Variants in ADD3 observed in about 807,000 individuals in gnomAD.
The protein encoded by ADD3 is adducin 3.
Under a neutral mutation model 80.2 loss-of-function variants are expected in ADD3, and 25 were observed. The observed-to-expected ratio is 0.31, with a 90% CI of 0.23 to 0.44. The LOEUF is 0.44. Ranked by LOEUF, ADD3 falls within the 20% of genes least tolerant of loss-of-function variation. The pLI, the probability that ADD3 is intolerant of heterozygous loss-of-function variation, is 1.00. For missense variants in ADD3, 829 were observed against 847.5 expected, an observed-to-expected ratio of 0.98 and a Z score of 0.27; for synonymous variants, 284 against 289.6, an observed-to-expected ratio of 0.98 and a Z score of 0.20.
chr10:110,116,461 C>T, intron 4 of ADD3, 51 bp downstream of exon 4: 3 of 1,578,202 alleles, frequency 1.9e-6, no homozygotes, highest in Non-Finnish European at 1.7e-6. Flanking sequence ...AGCTAGAAGG[C>T]AACTATACTC....
intron 1 of ADD3, among the ~76,000 whole-genome samples, chr10:110,026,351 G>A (rs1032252059): frequency 6.8e-6 from 1 of 147,510 alleles, no homozygotes; most frequent in African/African-American, 2.6e-5. Context: ...GCGTGATCTC[G>A]GCTCACTGCA....
At chr10:110,073,152 T>C (rs1412273111) in intron 1 of ADD3, among the ~76,000 whole-genome samples, 4 of 145,094 alleles carry the variant, frequency 2.8e-5, no homozygotes, top group Non-Finnish European at 6.0e-5. Flanking sequence ...TTTTTTTTTT[T>C]TTTTTTTCGA....
intron 1 of ADD3, among the ~76,000 whole-genome samples, chr10:110,087,920 TTCTGAGGGG>T (rs1847001057): frequency 6.6e-6 from 1 of 152,192 alleles, no homozygotes; most frequent in Non-Finnish European, 1.5e-5. Context: ...GATTGGTTCA[TTCTGAGGGG>T]TCTGAGGGAA....
At chr10:110,130,964 G>C (rs1852904821) in intron 13 of ADD3, among the ~76,000 whole-genome samples, 1 of 152,072 alleles carries the variant, frequency 6.6e-6, no homozygotes, top group Admixed American at 6.5e-5. Flanking sequence ...ACTAGCCAAA[G>C]TAGATGTAGA....
upstream of ADD3, among the ~76,000 whole-genome samples, chr10:110,004,803 G>A (rs1048243778): frequency 2.0e-5 from 3 of 151,826 alleles, no homozygotes; most frequent in African/African-American, 7.3e-5. Flanking sequence ...TTTACTTATA[G>A]AGAAAAAAAC....
intron 1 of ADD3, among the ~76,000 whole-genome samples, chr10:110,060,028 T>C (rs1589923593): frequency 6.6e-6 from 1 of 152,104 alleles, no homozygotes. Context: ...GGTCAAAGGG[T>C]TAATGCATGC....
chr10:110,042,922 CAT>C (rs1293993723), intron 1 of ADD3, among the ~76,000 whole-genome samples: 7 of 152,018 alleles, frequency 4.6e-5, no homozygotes, highest in African/African-American at 1.7e-4. Flanking sequence ...GAGGGGAAAA[CAT>C]AGAATGCATA....
intron 1 of ADD3, among the ~76,000 whole-genome samples, chr10:110,089,472 G>A (rs1847204329): frequency 6.6e-6 from 1 of 152,044 alleles, no homozygotes; most frequent in Admixed American, 6.5e-5. Flanking sequence ...GTTGGGATGT[G>A]GGGTGGGGAA....
chr10:110,015,738 T>C (rs1297181886), intron 1 of ADD3, among the ~76,000 whole-genome samples: 1 of 152,152 alleles, frequency 6.6e-6, no homozygotes, highest in Non-Finnish European at 1.5e-5. Context: ...CTGAAAGTAA[T>C]ACATTTTTAC....
chr10:110,092,303 C>T (rs1041014873), intron 1 of ADD3, among the ~76,000 whole-genome samples: 2 of 152,136 alleles, frequency 1.3e-5, no homozygotes, highest in Non-Finnish European at 2.9e-5. Context: ...ATAGCAAAGA[C>T]ATGGAATCAA....
chr10:110,051,733 T>A (rs1857536535), intron 1 of ADD3, among the ~76,000 whole-genome samples: 1 of 152,226 alleles, frequency 6.6e-6, no homozygotes, highest in African/African-American at 2.4e-5. Flanking sequence ...TAGTTCTTTC[T>A]AGGAAGGAGT....
intron 2 of ADD3, among the ~76,000 whole-genome samples, chr10:110,109,761 G>C (rs1849784795): frequency 6.6e-6 from 1 of 152,150 alleles, no homozygotes; most frequent in African/African-American, 2.4e-5. Flanking sequence ...AGGATATCTG[G>C]AACATTTTTT....
Position 110,134,975 on chromosome 10 carries a change from C to T in ADD3, c.*1357C>T, listed in dbSNP as rs373708211. On this transcript the variant is annotated 3_prime_UTR_variant, in exon 15 of 15. Coordinates refer to ENST00000356080, the MANE Select transcript of ADD3 (RefSeq NM_016824.5). ...AATTTAAACCTAGGCTTAATATAGG[C>T]GTTTCCCCTTTCACCCAAGTGATGT... 2.0e-4 allele frequency: 31 copies of T among 152,328 alleles called. 1 individual carries two copies. The South Asian group carries it at 6.2e-3, about 31-fold the overall frequency. 9.4% of individuals were successfully genotyped at this position (152,328 alleles called of 1,614,324 possible).
At chr10:109,997,373 C>G (rs1261317381) in intron 1 of ADD3, 1 of 152,218 alleles carries the variant, frequency 6.6e-6, no homozygotes, top group African/African-American at 2.4e-5. Context: ...GGCACCCTTA[C>G]TGGAAAAGGC....
intron 12 of ADD3, among the ~76,000 whole-genome samples, chr10:110,127,452 A>C (rs1031664592): frequency 1.3e-5 from 2 of 152,142 alleles, no homozygotes; most frequent in Non-Finnish European, 2.9e-5. Context: ...CCCCATCTCT[A>C]CTGAAAATAC....
At chr10:110,039,574 A>G (rs1856050482) in intron 1 of ADD3, among the ~76,000 whole-genome samples, 1 of 152,230 alleles carries the variant, frequency 6.6e-6, no homozygotes, top group South Asian at 2.1e-4. Context: ...CTGTTTAAAG[A>G]AAAAAGCAAA....
At chr10:110,023,839 G>A (rs1853969423) in intron 1 of ADD3, among the ~76,000 whole-genome samples, 1 of 152,184 alleles carries the variant, frequency 6.6e-6, no homozygotes. Context: ...AAATGAAGGT[G>A]CTTCCCCTAT....
At chr10:110,006,205 C>A, upstream of ADD3, 1 of 153,460 alleles carries the variant, frequency 6.5e-6, no homozygotes, top group South Asian at 1.9e-4. Context: ...AAGGAATGAT[C>A]ATGGAAAAGA....
At chr10:110,003,918 T>C (rs1216728835), upstream of ADD3, among the ~76,000 whole-genome samples, 1 of 152,186 alleles carries the variant, frequency 6.6e-6, no homozygotes, top group Non-Finnish European at 1.5e-5. Flanking sequence ...CAAAAACACT[T>C]TGTAGTCAGT....
Sources: allele counts gnomAD v4.1 joint callset (sites outside exome capture counted in the v4.1 genomes callset), GRCh38; gene constraint gnomAD v4.1.1; transcripts MANE v1.5; gene names NCBI Gene and HGNC (gene_info 2026-07-23, HGNC 2026-07-21).